The following ZBTB43 variants were observed in gnomAD, a reference collection of about 807,000 sequenced individuals.
ZBTB43 encodes the protein zinc finger and BTB domain containing 43, also known as zinc finger and BTB domain-containing protein 43.
ZBTB43 carries 6 observed loss-of-function variants against 31.1 expected under a neutral mutation model. The observed-to-expected ratio is 0.19, with a 90% confidence interval of 0.11 to 0.38. The LOEUF is 0.38. ZBTB43 is among the 10% of genes least tolerant of loss of function. The pLI is 1.00. For missense variants in ZBTB43, 379 were observed against 602.1 expected (o/e 0.63, Z 3.88); for synonymous variants, 212 against 221.7 (o/e 0.96, Z 0.39).
At chr9:126,810,931 A>G (rs1588351707) in intron 2 of ZBTB43, among the ~76,000 whole-genome samples, 1 of 151,956 alleles carries the variant, frequency 6.6e-6, no homozygotes, top group East Asian at 1.9e-4. Context: ...AACTATAGTG[A>G]TATTCACAGC....
chr9:126,820,286 A>T (rs2032481390), intron 2 of ZBTB43, among the ~76,000 whole-genome samples: 1 of 152,196 alleles, frequency 6.6e-6, no homozygotes, highest in Non-Finnish European at 1.5e-5. Context: ...GCTTCAAAAG[A>T]CAAGTTATAA....
At chr9:126,824,548 T>C (rs1267274387) in intron 2 of ZBTB43, among the ~76,000 whole-genome samples, 2 of 152,216 alleles carry the variant, frequency 1.3e-5, no homozygotes, top group African/African-American at 4.8e-5. Flanking sequence ...CAGATCTTAA[T>C]TGACAGATTT....
intron 2 of ZBTB43, among the ~76,000 whole-genome samples, chr9:126,827,548 C>T (rs761074740): frequency 7.9e-5 from 12 of 152,314 alleles, no homozygotes; most frequent in East Asian, 5.8e-4. Context: ...GTGTCTGATC[C>T]GCTTCCAGAG....
At chr9:126,823,608 C>G (rs2032565076) in intron 2 of ZBTB43, among the ~76,000 whole-genome samples, 1 of 151,582 alleles carries the variant, frequency 6.6e-6, no homozygotes, top group African/African-American at 2.4e-5. Context: ...AGGAAAGATT[C>G]ACTTTACAAT....
At chr9:126,808,041 T>C (rs1483860936) in intron 1 of ZBTB43, among the ~76,000 whole-genome samples, 1 of 152,212 alleles carries the variant, frequency 6.6e-6, no homozygotes, top group African/African-American at 2.4e-5. Flanking sequence ...TTTGTCGATA[T>C]GTTGTTAATT....
rs749897554 is a variant in ZBTB43 at position 126,833,941 on chromosome 9, G to T, written c.*28G>T. On this transcript the variant is annotated 3_prime_UTR_variant, in exon 3 of 3. Transcript: ENST00000373464. This position sits in a 1 kb window ranked among gnomAD's most constrained non-coding sequence, Gnocchi z 7.9. The stretch of plus-strand genomic sequence containing the variant: ...ATAGGATCTGGCCCTTGAGTGGCAT[G>T]CACAAAAATAAACTATGGTAATTAA... 4 of 1,535,626 alleles carry T rather than the reference G, an allele frequency of 2.6e-6. No homozygotes were observed. The highest frequency in any genetic ancestry group is 3.5e-6 in the Non-Finnish European group (4 of 1,133,824).
chr9:126,813,089 TG>T (rs146943482), intron 2 of ZBTB43, among the ~76,000 whole-genome samples: 2,466 of 152,156 alleles, frequency 0.016, 69 homozygotes, highest in African/African-American at 0.056. Flanking sequence ...CAAGCAGTTC[TG>T]CTGTCTCAGC....
intron 1 of ZBTB43, among the ~76,000 whole-genome samples, chr9:126,806,709 C>G (rs757118961): frequency 6.6e-6 from 1 of 152,186 alleles, no homozygotes; most frequent in Non-Finnish European, 1.5e-5. Flanking sequence ...GCTCCTTTTA[C>G]ATGTAATTTT....
At chr9:126,811,600 G>A (rs1457492139) in intron 2 of ZBTB43, among the ~76,000 whole-genome samples, 1 of 152,104 alleles carries the variant, frequency 6.6e-6, no homozygotes, top group Non-Finnish European at 1.5e-5. Flanking sequence ...TGGTACATCA[G>A]TTTGCCTTGC....
chr9:126,822,927 C>CA (rs55885001), intron 2 of ZBTB43, among the ~76,000 whole-genome samples: 104,447 of 150,186 alleles, frequency 0.7, 37,499 homozygotes, highest in East Asian at 0.96. Flanking sequence ...AAGGTGAGTA[C>CA]TTTTTTTTTT....
intron 2 of ZBTB43, among the ~76,000 whole-genome samples, chr9:126,825,497 G>GT (rs900388254): frequency 6.6e-6 from 1 of 152,122 alleles, no homozygotes; most frequent in African/African-American, 2.4e-5. Flanking sequence ...ATGTTAGCAG[G>GT]TTTGGGTTCT....
At chr9:126,828,645 AATAATAATAATT>A (rs1041008344) in intron 2 of ZBTB43, among the ~76,000 whole-genome samples, 3 of 131,524 alleles carry the variant, frequency 2.3e-5, no homozygotes, top group Admixed American at 7.2e-5. Context: ...TAATAATAAT[AATAATAATAATT>A]ATTATTATTA....
rs755644266 is a variant in ZBTB43 at position 126,833,956 on chromosome 9, A to G, written c.*43A>G. 3 of 1,511,030 alleles carry G rather than the reference A, an allele frequency of 2.0e-6. No individual in the cohort carries two copies. The highest frequency in any genetic ancestry group is 2.7e-6 in the Non-Finnish European group (3 of 1,122,538). The allele number at this position is 1,511,030 out of a possible 1,614,324, so 93.6% of individuals were successfully genotyped here. A position where few individuals can be genotyped will look rare whatever the true frequency, so the allele number is the denominator to read the frequency against. Reference sequence around the variant, plus strand: ...TGAGTGGCATGCACAAAAATAAACTATGGTAATTAATGCAAATCTGGGCAC... The same window carrying G: ...TGAGTGGCATGCACAAAAATAAACTGTGGTAATTAATGCAAATCTGGGCAC... On this transcript the variant is annotated 3_prime_UTR_variant, in exon 3 of 3. Coordinates refer to ENST00000373464, the MANE Select transcript of ZBTB43 (RefSeq NM_014007.4). The surrounding 1 kb of genome is among the most constrained non-coding windows in gnomAD (Gnocchi z 7.9).
intron 2 of ZBTB43, among the ~76,000 whole-genome samples, chr9:126,827,968 GATTGCACC>G (rs2032678695): frequency 6.6e-6 from 1 of 152,074 alleles, no homozygotes; most frequent in East Asian, 1.9e-4. Context: ...GGTGAGCTGA[GATTGCACC>G]ATTGCACTCC....
chr9:126,814,142 T>A (rs1406182121), intron 2 of ZBTB43, among the ~76,000 whole-genome samples: 1 of 152,134 alleles, frequency 6.6e-6, no homozygotes, highest in Non-Finnish European at 1.5e-5. Flanking sequence ...TATTTCCTGC[T>A]ACAATTACAG....
In ZBTB43 at chr9:126,836,546, T is replaced by C. The variant is rs1294180231; in HGVS notation, c.*2633T>C. 1 of 167,234 alleles carries C rather than the reference T, an allele frequency of 6.0e-6. No individual in the cohort carries two copies. Among genetic ancestry groups the C allele is most frequent in the East Asian group, 1.9e-4 (1 of 5,194 alleles). The allele number at this position is 167,234 out of a possible 1,614,324, so 10.4% of individuals were successfully genotyped here. A position where few individuals can be genotyped will look rare whatever the true frequency, so the allele number is the denominator to read the frequency against. ...CATTTGAATATTAAAAGTGAATTTT[T>C]GTAAACTCTGGTTTTTACCTTTTTT... On this transcript the variant is annotated 3_prime_UTR_variant, in exon 3 of 3. Coordinates refer to ENST00000373464, the MANE Select transcript of ZBTB43 (RefSeq NM_014007.4).
intron 2 of ZBTB43, among the ~76,000 whole-genome samples, chr9:126,818,657 C>G (rs2032446221): frequency 6.6e-6 from 1 of 152,066 alleles, no homozygotes. Context: ...TGTTAATGTG[C>G]TGTGTTACAT....
rs1432477441 is a variant in ZBTB43, at chr9:126,835,866, A to T, written c.*1953A>T. ...GACACACGTATACTGAGGGGATTGT[A>T]CAATCAAGCCTATTGTCTCCTTTTC... On this transcript the variant is annotated 3_prime_UTR_variant, in exon 3 of 3. Coordinates refer to ENST00000373464, the MANE Select transcript of ZBTB43 (RefSeq NM_014007.4). The T allele has an allele frequency of 6.0e-6, 1 of 167,038 alleles. No individual in the cohort carries two copies. Among genetic ancestry groups the T allele is most frequent in the Admixed American group, 6.5e-5 (1 of 15,276 alleles). The allele number at this position is 167,038 out of a possible 1,614,324, so 10.3% of individuals were successfully genotyped here.
chr9:126,809,237 T>C (rs1433776464), intron 2 of ZBTB43, among the ~76,000 whole-genome samples: 3 of 152,242 alleles, frequency 2.0e-5, no homozygotes, highest in Non-Finnish European at 2.9e-5. Context: ...GGCAGGTCTT[T>C]TAATTTGAGC....
Sources: gnomAD v4.1 joint callset for allele counts (sites outside exome capture counted in the v4.1 genomes callset) on GRCh38, gnomAD v4.1.1 for gene constraint, Gnocchi (gnomAD v3.1) non-coding constraint, MANE v1.5 for transcripts, NCBI Gene and HGNC (gene_info 2026-07-23, HGNC 2026-07-21) for gene names.